Variants in CFAP61 observed in about 807,000 individuals in gnomAD.
CFAP61 encodes the protein cilia and flagella associated protein 61.
In CFAP61, 107 loss-of-function variants were observed where a neutral mutation model predicts 135.6. The ratio of observed to expected loss-of-function variants is 0.79; its 90% CI spans 0.67 to 0.93. The LOEUF is 0.93. Among genes scored for constraint, CFAP61 ranks in the 40% least tolerant of loss-of-function variants. The pLI is 0.00. For synonymous variants in CFAP61, 575 were observed against 578.5 expected, an observed-to-expected ratio of 0.99 and a Z score of 0.09; for missense variants, 1,507 against 1,556.2, an observed-to-expected ratio of 0.97 and a Z score of 0.53.
chr20:20,248,981 T>C (rs78334882), intron 19 of CFAP61, among the ~76,000 whole-genome samples: 13 of 152,238 alleles, frequency 8.5e-5, no homozygotes. Flanking sequence ...TCAAGCTCAC[T>C]TGAGGAACAG....
intron 17 of CFAP61, among the ~76,000 whole-genome samples, chr20:20,207,233 T>C (rs1234325851): frequency 6.6e-6 from 1 of 152,170 alleles, no homozygotes; most frequent in Non-Finnish European, 1.5e-5. Flanking sequence ...GGACTTTCTG[T>C]TTTTTTAAAG....
At chr20:20,334,837 T>C (rs1246888273) in intron 25 of CFAP61, among the ~76,000 whole-genome samples, 1 of 152,198 alleles carries the variant, frequency 6.6e-6, no homozygotes, top group African/African-American at 2.4e-5. Flanking sequence ...CAAGGAAATA[T>C]TCAGTCCGAT....
chr20:20,071,897 C>T (rs1473372880), intron 3 of CFAP61, among the ~76,000 whole-genome samples: 1 of 151,994 alleles, frequency 6.6e-6, no homozygotes, highest in Non-Finnish European at 1.5e-5. Context: ...GGAAATAGAC[C>T]AAAACGATTA....
chr20:20,217,421 A>G (rs866499006), intron 17 of CFAP61, among the ~76,000 whole-genome samples: 1 of 152,246 alleles, frequency 6.6e-6, no homozygotes, highest in African/African-American at 2.4e-5. Flanking sequence ...GCTTGCTCAC[A>G]GGACACATGT....
intron 6 of CFAP61, among the ~76,000 whole-genome samples, chr20:20,089,403 T>TAC (rs2047022369): frequency 6.6e-6 from 1 of 151,948 alleles, no homozygotes; most frequent in African/African-American, 2.4e-5. Flanking sequence ...TATATATATA[T>TAC]ACTGATCACT....
At chr20:20,151,776 G>A (rs894489522) in intron 9 of CFAP61, among the ~76,000 whole-genome samples, 4 of 143,154 alleles carry the variant, frequency 2.8e-5, no homozygotes, top group African/African-American at 5.2e-5. Flanking sequence ...CCTGCAGTGA[G>A]CTGAGATGGC....
chr20:20,346,518 CAA>C (rs533647243), intron 26 of CFAP61, among the ~76,000 whole-genome samples: 14 of 131,956 alleles, frequency 1.1e-4, no homozygotes, highest in African/African-American at 2.2e-4. Context: ...AACTCCGTCT[CAA>C]AAAAAAAAAA....
At chr20:20,350,522 G>T (rs1417389594) in intron 26 of CFAP61, among the ~76,000 whole-genome samples, 1 of 152,144 alleles carries the variant, frequency 6.6e-6, no homozygotes, top group Non-Finnish European at 1.5e-5. Flanking sequence ...CCAGCTACTC[G>T]GGAGGCTGAG....
At chr20:20,272,387 C>T (rs942519983) in intron 21 of CFAP61, among the ~76,000 whole-genome samples, 1 of 152,214 alleles carries the variant, frequency 6.6e-6, no homozygotes, top group African/African-American at 2.4e-5. Flanking sequence ...GATGGTGCCA[C>T]TGCACTCCAG....
At chr20:20,117,349 ATAAAT>A (rs939860419) in intron 8 of CFAP61, among the ~76,000 whole-genome samples, 8 of 150,200 alleles carry the variant, frequency 5.3e-5, no homozygotes, top group Non-Finnish European at 1.0e-4. Flanking sequence ...ATCTCAAAAA[ATAAAT>A]TAATAAGTTA....
At chr20:20,336,256 C>T (rs893314741) in intron 25 of CFAP61, among the ~76,000 whole-genome samples, 9 of 152,172 alleles carry the variant, frequency 5.9e-5, no homozygotes, top group African/African-American at 9.7e-5. Flanking sequence ...TAAAACATAA[C>T]GAGCACATCA....
intron 20 of CFAP61, among the ~76,000 whole-genome samples, chr20:20,261,237 T>C (rs2052166618): frequency 6.6e-6 from 1 of 152,252 alleles, no homozygotes; most frequent in Non-Finnish European, 1.5e-5. Flanking sequence ...ACTAAGGCTT[T>C]ACAATTTCTA....
At chr20:20,235,064 C>T (rs935552562) in intron 18 of CFAP61, among the ~76,000 whole-genome samples, 2 of 152,098 alleles carry the variant, frequency 1.3e-5, no homozygotes, top group African/African-American at 4.8e-5. Flanking sequence ...GAGCTGGAGT[C>T]TCCTCCACGT....
intron 22 of CFAP61, among the ~76,000 whole-genome samples, chr20:20,280,068 A>C (rs1056553214): frequency 6.6e-6 from 1 of 152,170 alleles, no homozygotes; most frequent in African/African-American, 2.4e-5. Flanking sequence ...CCTGACCCCC[A>C]GTACCAGTGA....
chr20:20,144,918 T>C (rs1349322617), intron 9 of CFAP61, among the ~76,000 whole-genome samples: 1 of 152,196 alleles, frequency 6.6e-6, no homozygotes, highest in Non-Finnish European at 1.5e-5. Flanking sequence ...CCTAGAATTT[T>C]ATACCCAGTA....
chr20:20,124,809 T>C (rs2049947889), intron 8 of CFAP61, among the ~76,000 whole-genome samples: 2 of 151,848 alleles, frequency 1.3e-5, no homozygotes, highest in Admixed American at 1.3e-4. Flanking sequence ...AATTCTTCTT[T>C]GAACGTCTGG....
chr20:20,327,752 C>A (rs374941853), intron 25 of CFAP61, among the ~76,000 whole-genome samples: 1 of 129,648 alleles, frequency 7.7e-6, no homozygotes, highest in East Asian at 2.2e-4. Context: ...TGCATTCCAG[C>A]CTGGGCAACA....
intron 26 of CFAP61, among the ~76,000 whole-genome samples, chr20:20,349,337 G>C (rs960352181): frequency 6.6e-6 from 1 of 152,194 alleles, no homozygotes; most frequent in Non-Finnish European, 1.5e-5. Flanking sequence ...AGTCATGATG[G>C]AAGGTGAAGG....
chr20:20,290,166 G>A (rs2147065632), intron 23 of CFAP61, 134 bp from the exon 24 acceptor site: 2 of 655,650 alleles, frequency 3.1e-6, no homozygotes, highest in East Asian at 2.6e-5. Context: ...CTTGTTGTTA[G>A]TGGTACTTTA....
Sources: gnomAD v4.1 joint callset for allele counts (sites outside exome capture counted in the v4.1 genomes callset) on GRCh38, gnomAD v4.1.1 for gene constraint, MANE v1.5 for transcripts, NCBI Gene and HGNC (gene_info 2026-07-23, HGNC 2026-07-21) for gene names.